The following TMEM74 variants were observed in gnomAD, a reference collection of about 807,000 sequenced individuals.
TMEM74 encodes transmembrane protein 74.
Under a neutral mutation model 18.1 loss-of-function variants are expected in TMEM74, and 13 were observed. The ratio of observed to expected loss-of-function variants is 0.72; its 90% CI spans 0.47 to 1.14. TMEM74 has a LOEUF of 1.14. Ranked by LOEUF, TMEM74 falls within the 50% of genes most tolerant of loss-of-function variation. The pLI, the probability that TMEM74 is intolerant of heterozygous loss-of-function variation, is 0.00. For synonymous variants in TMEM74, 159 were observed against 146.6 expected (o/e 1.08, Z -0.61); for missense variants, 372 against 375.9 (o/e 0.99, Z 0.09).
intron 1 of TMEM74, among the ~76,000 whole-genome samples, chr8:108,676,634 A>T (rs575899074): frequency 6.6e-6 from 1 of 152,298 alleles, no homozygotes; most frequent in Non-Finnish European, 1.5e-5. Flanking sequence ...CTCTAGTAAA[A>T]TGTGTAATGT....
intron 1 of TMEM74, among the ~76,000 whole-genome samples, chr8:108,737,811 C>T (rs1045341896): frequency 9.9e-5 from 15 of 152,138 alleles, no homozygotes; most frequent in African/African-American, 3.6e-4. Context: ...CTCACATCCA[C>T]TTTCTTATTT....
intron 1 of TMEM74, among the ~76,000 whole-genome samples, chr8:108,727,190 C>T (rs1036823141): frequency 9.2e-5 from 14 of 152,052 alleles, no homozygotes; most frequent in African/African-American, 2.9e-4. Flanking sequence ...GGATTTTTCT[C>T]AGAGTCAAAT....
chr8:108,784,188 T>G lies in TMEM74; in HGVS notation c.911A>C (p.Gln304Pro). 6.2e-7 allele frequency: 1 copy of G among 1,604,874 alleles called. No homozygotes were observed. The highest frequency in any genetic ancestry group is 8.5e-7 in the Non-Finnish European group (1 of 1,174,314). ...AGATATTCACAACCAGAATTAACTC[T>G]GTACAGCAAGCGCATCTTCCTCTAC... ...SLVEEDALAV[Q>P]S Residue 304 changes from glutamine (Q) to proline (P), a missense_variant, in exon 2 of 2, where the codon CAG becomes CCG. Physicochemically the swap from Gln to Pro is moderately conservative, Grantham distance 76 (BLOSUM62 -1). Transcript: ENST00000297459.
intron 1 of TMEM74, among the ~76,000 whole-genome samples, chr8:108,718,933 AC>A (rs1441851735): frequency 1.3e-5 from 2 of 151,684 alleles, no homozygotes; most frequent in African/African-American, 4.8e-5. Context: ...ATGTCATACT[AC>A]AAAGTTAGAT....
In TMEM74 at chr8:108,623,940, T is replaced by C. The variant is rs1421170060; in HGVS notation, n.265-15114A>G. Reference sequence around the variant, plus strand: ...AATCAAAATACCTATAGTGGTGACTTTGAGAAACTGTGTCTAATCTTATTC... The same window carrying C: ...AATCAAAATACCTATAGTGGTGACTCTGAGAAACTGTGTCTAATCTTATTC... On this transcript the variant is annotated intron_variant and non_coding_transcript_variant, in intron 2 of 3. Coordinates refer to the TMEM74 transcript ENST00000518838. Among the ~76,000 whole-genome samples the C allele has an allele frequency of 2.0e-5, 3 of 152,202 alleles. No homozygotes were observed. The East Asian group carries it at 5.8e-4, about 30-fold the overall frequency.
At chr8:108,675,343 T>C (rs1813046667) in intron 1 of TMEM74, among the ~76,000 whole-genome samples, 1 of 152,146 alleles carries the variant, frequency 6.6e-6, no homozygotes. Context: ...TTTCAGAATG[T>C]GGATGTGATT....
chr8:108,785,169 C>T (rs1008826117), intron 1 of TMEM74, 32 bp from the exon 2 acceptor site: 1 of 1,478,840 alleles, frequency 6.8e-7, no homozygotes, highest in African/African-American at 1.4e-5. Context: ...GATAAGAACC[C>T]AACAGAAGCT....
chr8:108,671,493 A>T (rs1433308984), intron 1 of TMEM74, among the ~76,000 whole-genome samples: 1 of 152,214 alleles, frequency 6.6e-6, no homozygotes, highest in Non-Finnish European at 1.5e-5. Context: ...ATTAAGGTTC[A>T]TGCAATATTG....
At chr8:108,727,686 C>T (rs572783809) in intron 1 of TMEM74, among the ~76,000 whole-genome samples, 71 of 152,204 alleles carry the variant, frequency 4.7e-4, no homozygotes, top group African/African-American at 1.5e-3. Context: ...GGAGATACAA[C>T]TTTGGAAGCA....
intron 1 of TMEM74, among the ~76,000 whole-genome samples, chr8:108,680,057 A>T (rs1371189782): frequency 6.6e-6 from 1 of 151,818 alleles, no homozygotes; most frequent in Non-Finnish European, 1.5e-5. Flanking sequence ...TAGCTTACTA[A>T]CCAAAAAAAG....
chr8:108,615,458 A>G (rs1303261696), intron 2 of TMEM74, among the ~76,000 whole-genome samples: 1 of 152,216 alleles, frequency 6.6e-6, no homozygotes, highest in Admixed American at 6.5e-5. Context: ...TCCAGTTAAC[A>G]GGCCCTTACT....
chr8:108,621,982 A>G (rs933930185), intron 2 of TMEM74, among the ~76,000 whole-genome samples: 1 of 152,108 alleles, frequency 6.6e-6, no homozygotes, highest in African/African-American at 2.4e-5. Context: ...AAATCTTCCT[A>G]GCGAATTTTT....
intron 1 of TMEM74, among the ~76,000 whole-genome samples, chr8:108,744,814 AT>A (rs1407356298): frequency 6.6e-6 from 1 of 152,158 alleles, no homozygotes; most frequent in Non-Finnish European, 1.5e-5. Context: ...GAATTTACTT[AT>A]GAGTGATCTG....
intron 2 of TMEM74, among the ~76,000 whole-genome samples, chr8:108,630,323 A>T (rs60141878): frequency 0.21 from 31,730 of 151,582 alleles, 3,310 homozygotes; most frequent in East Asian, 0.27. Context: ...ACCCAGATTC[A>T]TAAAACAAGT....
chr8:108,770,395 T>G (rs1434318480), intron 1 of TMEM74, among the ~76,000 whole-genome samples: 1 of 152,222 alleles, frequency 6.6e-6, no homozygotes, highest in Non-Finnish European at 1.5e-5. Flanking sequence ...CAAATTTGAA[T>G]GTTTTTATTG....
chr8:108,678,238 A>G (rs74976366), intron 1 of TMEM74, among the ~76,000 whole-genome samples: 4,471 of 152,348 alleles, frequency 0.029, 121 homozygotes, highest in African/African-American at 0.066. Flanking sequence ...GATAACAAAA[A>G]TAATGGATTC....
At chr8:108,767,845 A>G (rs1278946472) in intron 1 of TMEM74, among the ~76,000 whole-genome samples, 1 of 152,112 alleles carries the variant, frequency 6.6e-6, no homozygotes, top group Non-Finnish European at 1.5e-5. Context: ...GAAACAGATG[A>G]GGTATAAATA....
In TMEM74 at chr8:108,782,848, G is replaced by C. The variant is rs942556736; in HGVS notation, c.*1333C>G. On this transcript the variant is annotated 3_prime_UTR_variant, in exon 2 of 2. Coordinates refer to ENST00000297459, the MANE Select transcript of TMEM74 (RefSeq NM_153015.3). ...CTCCAGGCAGAGTTGCAAAATGTAA[G>C]GTATTTCTGAGGCTGCATTTCCCAT... 7.2e-5 allele frequency among the ~76,000 whole-genome samples: 11 copies of C among 152,164 alleles called. No individual in the cohort carries two copies. Among genetic ancestry groups the C allele is most frequent in the Non-Finnish European group, 1.0e-4 (7 of 68,028 alleles).
intron 1 of TMEM74, among the ~76,000 whole-genome samples, chr8:108,768,409 T>A (rs76461657): frequency 0.018 from 2,735 of 152,286 alleles, 90 homozygotes; most frequent in African/African-American, 0.062. Flanking sequence ...TTCCAATCTC[T>A]TCTCGATCCT....
Sources: gnomAD v4.1 joint callset for allele counts (sites outside exome capture counted in the v4.1 genomes callset) on GRCh38, gnomAD v4.1.1 for gene constraint, MANE v1.5 for transcripts, NCBI Gene and HGNC (gene_info 2026-07-23, HGNC 2026-07-21) for gene names.